RNLS: variants seen among roughly 807,000 people sequenced by gnomAD.
RNLS encodes the protein renalase.
A neutral mutation model predicts 39.8 loss-of-function variants in RNLS; 39 were observed. The ratio of observed to expected loss-of-function variants is 0.98; its 90% CI spans 0.76 to 1.28. RNLS has a LOEUF of 1.28. RNLS is among the 50% of genes most tolerant of loss of function. The probability of loss-of-function intolerance (pLI) is 0.00; values close to 1 mark genes in which losing one functional copy is unlikely to be tolerated. For missense variants in RNLS, 410 were observed against 413.3 expected, an observed-to-expected ratio of 0.99 and a Z score of 0.07; for synonymous variants, 147 against 150.7, an observed-to-expected ratio of 0.98 and a Z score of 0.18.
chr10:88,363,211 A>G (rs980610846), intron 4 of RNLS, among the ~76,000 whole-genome samples: 2 of 151,926 alleles, frequency 1.3e-5, no homozygotes, highest in Non-Finnish European at 1.5e-5. Context: ...CCATGGATAC[A>G]AGGGGGGAAT....
the RNLS span, among the ~76,000 whole-genome samples, chr10:88,267,219 A>G: frequency 6.6e-6 from 1 of 152,226 alleles, no homozygotes; most frequent in Non-Finnish European, 1.5e-5. Context: ...AGACTCTAGC[A>G]TCTTGTCAGA....
At chr10:88,361,696 A>G (rs1334221962) in intron 5 of RNLS, among the ~76,000 whole-genome samples, 1 of 152,218 alleles carries the variant, frequency 6.6e-6, no homozygotes. Flanking sequence ...AGGTCTGGCG[A>G]GCCAAGAGAC....
intron 4 of RNLS, among the ~76,000 whole-genome samples, chr10:88,392,188 A>G (rs1258222616): frequency 2.0e-5 from 3 of 152,256 alleles, no homozygotes; most frequent in Admixed American, 1.3e-4. Flanking sequence ...GAGGCAGTAC[A>G]TAAGAGTTGA....
intron 4 of RNLS, among the ~76,000 whole-genome samples, chr10:88,442,642 G>T (rs1230611737): frequency 6.6e-6 from 1 of 151,650 alleles, no homozygotes; most frequent in Admixed American, 6.6e-5. Flanking sequence ...TATCTCCTTG[G>T]CTCTCCTCCT....
At chr10:88,230,508 C>G in the RNLS span, among the ~76,000 whole-genome samples, 1 of 152,102 alleles carries the variant, frequency 6.6e-6, no homozygotes, top group South Asian at 2.1e-4. Flanking sequence ...GCCTTCTTCC[C>G]CCTCCAATGC....
intron 4 of RNLS, among the ~76,000 whole-genome samples, chr10:88,528,857 A>AG (rs1847263043): frequency 6.6e-6 from 1 of 151,414 alleles, no homozygotes. Context: ...CGTCTCAAAA[A>AG]AAAAAAAAAA....
intron 5 of RNLS, among the ~76,000 whole-genome samples, chr10:88,353,154 C>A (rs1848859131): frequency 6.6e-6 from 1 of 152,086 alleles, no homozygotes; most frequent in South Asian, 2.1e-4. Flanking sequence ...AAAACCAGCT[C>A]CTGGATTCAT....
chr10:88,389,571 TTAAGGA>T (rs1852073601), intron 4 of RNLS, among the ~76,000 whole-genome samples: 1 of 12,184 alleles, frequency 8.2e-5, no homozygotes, highest in South Asian at 2.1e-3. Flanking sequence ...AACTGAGTTG[TTAAGGA>T]TCCTTTTAGG....
rs1161204491 is a variant in RNLS, at chr10:88,423,338, TTC to T, written c.527-60615_527-60614del. ...ATATCTCTTATATCATTAGAACAGGTTCTGTTCATTTGGACCCAGAAGTTTTA... is the reference window on the plus strand; with the variant it reads ...ATATCTCTTATATCATTAGAACAGGTTGTTCATTTGGACCCAGAAGTTTTA... On this transcript the variant is annotated intron_variant, in intron 4 of 6. Transcript: ENST00000331772. Among the ~76,000 whole-genome samples the T allele has an allele frequency of 2.0e-5, 3 of 152,148 alleles. No individual in the cohort carries two copies. In the East Asian group the frequency reaches 5.8e-4, roughly 29 times the overall value.
At chr10:88,196,770 T>C in the RNLS span, among the ~76,000 whole-genome samples, 1 of 152,154 alleles carries the variant, frequency 6.6e-6, no homozygotes, top group Non-Finnish European at 1.5e-5. Context: ...CAAGAATAAG[T>C]GGTTATTGTT....
At chr10:88,407,279 A>G (rs990313402) in intron 4 of RNLS, among the ~76,000 whole-genome samples, 54 of 152,000 alleles carry the variant, frequency 3.6e-4, no homozygotes, top group African/African-American at 9.7e-4. Flanking sequence ...AAAGAACATA[A>G]TATCTATCCT....
At chr10:88,558,579 C>T (rs1848998147) in intron 4 of RNLS, among the ~76,000 whole-genome samples, 1 of 152,028 alleles carries the variant, frequency 6.6e-6, no homozygotes, top group African/African-American at 2.4e-5. Context: ...GCCAGATCAC[C>T]CTAAACTCCA....
chr10:88,526,156 G>T (rs1847088232), intron 4 of RNLS, among the ~76,000 whole-genome samples: 1 of 151,820 alleles, frequency 6.6e-6, no homozygotes, highest in Non-Finnish European at 1.5e-5. Flanking sequence ...TGCCAAGTAG[G>T]TCTTTTGATT....
intron 4 of RNLS, among the ~76,000 whole-genome samples, chr10:88,414,089 G>C (rs528557673): frequency 1.3e-3 from 203 of 152,218 alleles, no homozygotes; most frequent in Non-Finnish European, 2.2e-3. Flanking sequence ...ATTTTAGGAA[G>C]TTTTTGTTTG....
chr10:88,291,994 G>GA, intron 6 of RNLS, among the ~76,000 whole-genome samples: 1 of 152,146 alleles, frequency 6.6e-6, no homozygotes, highest in East Asian at 1.9e-4. Flanking sequence ...AGGGCTTGTG[G>GA]AAAAAACAGA....
At chr10:88,212,904 T>A in the RNLS span, among the ~76,000 whole-genome samples, 1 of 152,238 alleles carries the variant, frequency 6.6e-6, no homozygotes, top group Non-Finnish European at 1.5e-5. Flanking sequence ...AAACAGTTCC[T>A]GATATTTGTC....
At chr10:88,510,228 C>T (rs943197282) in intron 4 of RNLS, among the ~76,000 whole-genome samples, 1 of 151,834 alleles carries the variant, frequency 6.6e-6, no homozygotes. Flanking sequence ...TAATATGCAG[C>T]TGTACTGTGT....
intron 4 of RNLS, among the ~76,000 whole-genome samples, chr10:88,407,093 G>A (rs792203): frequency 0.16 from 25,000 of 151,936 alleles, 2,736 homozygotes; most frequent in Non-Finnish European, 0.25. Context: ...CAAATATGGT[G>A]CAGTGTACAC....
At chr10:88,227,821 G>A in the RNLS span, among the ~76,000 whole-genome samples, 1 of 152,190 alleles carries the variant, frequency 6.6e-6, no homozygotes, top group Non-Finnish European at 1.5e-5. Context: ...GGCGATCATT[G>A]CATGCATGGT....
Sources: allele counts gnomAD v4.1 joint callset (sites outside exome capture counted in the v4.1 genomes callset), GRCh38; gene constraint gnomAD v4.1.1; transcripts MANE v1.5; gene names NCBI Gene and HGNC (gene_info 2026-07-23, HGNC 2026-07-21).